Variants in ZMYM2 observed in about 807,000 individuals in gnomAD.
ZMYM2 encodes the protein zinc finger MYM-type containing 2.
A neutral mutation model predicts 162.8 loss-of-function variants in ZMYM2; 56 were observed. That is an observed-to-expected ratio of 0.34 (90% CI 0.28 to 0.43). The LOEUF is 0.43. Among genes scored for constraint, ZMYM2 ranks in the 20% least tolerant of loss-of-function variants. The probability of loss-of-function intolerance (pLI) is 1.00; values close to 1 mark genes in which losing one functional copy is unlikely to be tolerated. For missense variants in ZMYM2, 1,275 were observed against 1,621.8 expected (o/e 0.79, Z 3.67); for synonymous variants, 510 against 541.6 (o/e 0.94, Z 0.81).
At chr13:19,897,010 T>C in the ZMYM2 span, among the ~76,000 whole-genome samples, 1 of 150,436 alleles carries the variant, frequency 6.6e-6, no homozygotes, top group Non-Finnish European at 1.5e-5. Flanking sequence ...GAGGTGGAGG[T>C]TGCAGTGATC....
At chr13:19,870,519 TTC>T in the ZMYM2 span, among the ~76,000 whole-genome samples, 7 of 73,872 alleles carry the variant, frequency 9.5e-5, no homozygotes, top group African/African-American at 1.8e-4. Context: ...CCCTCCCTCT[TTC>T]TCTCTTTCTT....
At chr13:20,071,533 T>C (rs1038508124) in intron 21 of ZMYM2, among the ~76,000 whole-genome samples, 1 of 152,204 alleles carries the variant, frequency 6.6e-6, no homozygotes, top group African/African-American at 2.4e-5. Flanking sequence ...TTTGGTCTAA[T>C]ACTAATAAAA....
rs966633912 is a variant in ZMYM2, at chr13:19,981,894, G to A, written c.-10-11169G>A. On this transcript the variant is annotated intron_variant, in intron 2 of 24. Transcript: ENST00000610343. ...CTGTGTGGACACTCTAAGCCGTTGA[G>A]GGTCACAGTACACTGTCGATGTCAC... Among the ~76,000 whole-genome samples the A allele has an allele frequency of 2.0e-5, 3 of 152,254 alleles. No homozygotes were observed. In the East Asian group the frequency reaches 5.8e-4, roughly 29 times the overall value.
At chr13:20,071,232 C>T (rs1280769196) in intron 21 of ZMYM2, among the ~76,000 whole-genome samples, 1 of 152,118 alleles carries the variant, frequency 6.6e-6, no homozygotes, top group Non-Finnish European at 1.5e-5. Context: ...ACCATCATGC[C>T]CAGCTAATTT....
rs1405135872 is a variant in ZMYM2, at chr13:20,067,409, G to T, written c.3453+19G>T. ...ACAGGAGGTTAGTAATTTGATGGCT[G>T]CTTTCAAGTATAACATTAATAAGAA... On this transcript the variant is annotated intron_variant, in intron 21 of 24. Coordinates refer to ENST00000610343, the MANE Select transcript of ZMYM2 (RefSeq NM_197968.4). The T allele has an allele frequency of 6.3e-7, 1 of 1,583,988 alleles. No homozygotes were observed. The highest frequency in any genetic ancestry group is 1.3e-5 in the African/African-American group (1 of 74,498).
At chr13:20,021,641 G>A (rs894650368) in intron 7 of ZMYM2, among the ~76,000 whole-genome samples, 1 of 151,962 alleles carries the variant, frequency 6.6e-6, no homozygotes, top group Non-Finnish European at 1.5e-5. Flanking sequence ...ATCATCCCCC[G>A]TATTACAAGG....
intron 23 of ZMYM2, 138 bp downstream of exon 23, chr13:20,083,170 C>G (rs1297283853): frequency 1.1e-6 from 1 of 884,492 alleles, no homozygotes; most frequent in Non-Finnish European, 1.7e-6. Flanking sequence ...TCAAGCAATT[C>G]TCCTCCCTCA....
chr13:20,017,392 G>C (rs1229839858), intron 6 of ZMYM2, among the ~76,000 whole-genome samples: 1 of 23,584 alleles, frequency 4.2e-5, no homozygotes, highest in Non-Finnish European at 1.2e-4. Context: ...TCTCTTGCCA[G>C]ATTCAAGATT....
chr13:19,983,725 C>G (rs2139551219), intron 2 of ZMYM2, among the ~76,000 whole-genome samples: 2 of 152,156 alleles, frequency 1.3e-5, no homozygotes, highest in East Asian at 1.9e-4. Context: ...ACCTCCTGGG[C>G]TCAAGTGATC....
chr13:20,086,844 T>G lies in ZMYM2; in HGVS notation c.*830T>G, dbSNP rs1196782065. On this transcript the variant is annotated 3_prime_UTR_variant, in exon 25 of 25. Coordinates refer to ENST00000610343, the MANE Select transcript of ZMYM2 (RefSeq NM_197968.4). Reference sequence around the variant, plus strand: ...CAAGATCATCAAGACATTTCCTTTGTAAAAATGTCTGGTGAAAGTATAAAA... The same window carrying G: ...CAAGATCATCAAGACATTTCCTTTGGAAAAATGTCTGGTGAAAGTATAAAA... 6.1e-6 allele frequency: 1 copy of G among 164,564 alleles called. No homozygotes were observed. The highest frequency in any genetic ancestry group is 1.3e-5 in the Non-Finnish European group (1 of 76,130). The allele number at this position is 164,564 out of a possible 1,614,324, so 10.2% of individuals were successfully genotyped here. A position where few individuals can be genotyped will look rare whatever the true frequency, so the allele number is the denominator to read the frequency against.
chr13:19,971,842 G>A (rs1281365472), intron 2 of ZMYM2, among the ~76,000 whole-genome samples: 1 of 151,984 alleles, frequency 6.6e-6, no homozygotes, highest in Non-Finnish European at 1.5e-5. Flanking sequence ...AACTGGAAGA[G>A]GTACAGATAA....
rs574957966 is a variant in ZMYM2 at position 20,040,180 on chromosome 13, A to G, written c.2292+3271A>G. On this transcript the variant is annotated intron_variant, in intron 12 of 24. Coordinates refer to ENST00000610343, the MANE Select transcript of ZMYM2 (RefSeq NM_197968.4). ...AGGAATGATACCAGCTCTTCTTTGT[A>G]CATCTGGTAGAATTGTGTTGTGAAT... 6.4e-4 allele frequency among the ~76,000 whole-genome samples: 98 copies of G among 152,290 alleles called. 1 individual carries two copies. Among genetic ancestry groups the G allele is most frequent in the African/African-American group, 2.3e-3 (97 of 41,550 alleles).
chr13:19,959,037 C>T (rs1357093524), intron 1 of ZMYM2, among the ~76,000 whole-genome samples, 196 bp downstream of exon 1: 1 of 151,764 alleles, frequency 6.6e-6, no homozygotes, highest in African/African-American at 2.4e-5. Context: ...GCTGCCGCGT[C>T]GGGGCCTCGG....
chr13:19,948,516 T>C, the ZMYM2 span, among the ~76,000 whole-genome samples: 1 of 152,202 alleles, frequency 6.6e-6, no homozygotes, highest in Non-Finnish European at 1.5e-5. Context: ...AAAGTCTGAA[T>C]ACTGTATGAG....
At chr13:20,081,992 G>A in intron 21 of ZMYM2, 24 bp from the exon 22 acceptor site, 4 of 1,290,476 alleles carry the variant, frequency 3.1e-6, no homozygotes, top group Non-Finnish European at 4.1e-6. Flanking sequence ...AAGAAAGTTT[G>A]TGGGGCTTTT....
chr13:19,931,697 C>T, the ZMYM2 span, among the ~76,000 whole-genome samples: 9 of 152,182 alleles, frequency 5.9e-5, no homozygotes, highest in African/African-American at 1.9e-4. Context: ...AATCATGGCT[C>T]ACTGCAGCCT....
At chr13:20,067,989 T>G (rs1301397436) in intron 21 of ZMYM2, 1 of 163,964 alleles carries the variant, frequency 6.1e-6, no homozygotes, top group Admixed American at 6.4e-5. Flanking sequence ...GCCTAAAAAT[T>G]CATTTTATTC....
chr13:20,056,327 G>A (rs1201502379), intron 14 of ZMYM2, among the ~76,000 whole-genome samples: 2 of 152,198 alleles, frequency 1.3e-5, no homozygotes, highest in Non-Finnish European at 2.9e-5. Flanking sequence ...TCTTCAGGGT[G>A]AAAACTTAGC....
intron 21 of ZMYM2, among the ~76,000 whole-genome samples, chr13:20,074,893 T>G (rs903291244): frequency 6.6e-6 from 1 of 152,226 alleles, no homozygotes; most frequent in Non-Finnish European, 1.5e-5. Context: ...TATCAAAAAG[T>G]TGTTTTACTA....
Sources: allele counts gnomAD v4.1 joint callset (sites outside exome capture counted in the v4.1 genomes callset), GRCh38; gene constraint gnomAD v4.1.1; transcripts MANE v1.5; gene names NCBI Gene and HGNC (gene_info 2026-07-23, HGNC 2026-07-21).